The following ATP13A4 variants were observed in gnomAD, a reference collection of about 807,000 sequenced individuals.
ATP13A4 encodes probable cation-transporting ATPase 13A4.
In ATP13A4, 114 loss-of-function variants were observed where a neutral mutation model predicts 142.5. The ratio of observed to expected loss-of-function variants is 0.80; its 90% CI spans 0.69 to 0.93. The LOEUF (loss-of-function observed/expected upper bound fraction) is 0.93, where lower values mean the gene tolerates loss of function less well. Among genes scored for constraint, ATP13A4 ranks in the 40% least tolerant of loss-of-function variants. ATP13A4 has a pLI of 0.00. For synonymous variants in ATP13A4, 488 were observed against 514.8 expected (o/e 0.95, Z 0.70); for missense variants, 1,392 against 1,454.0 (o/e 0.96, Z 0.69).
chr3:193,551,987 AT>A (rs1723601791), intron 1 of ATP13A4, among the ~76,000 whole-genome samples: 1 of 151,808 alleles, frequency 6.6e-6, no homozygotes, highest in South Asian at 2.1e-4. Flanking sequence ...CTATTTACTT[AT>A]TTTTGAGACA....
intron 25 of ATP13A4, among the ~76,000 whole-genome samples, chr3:193,423,837 C>T (rs550628618): frequency 4.5e-5 from 3 of 66,536 alleles, no homozygotes; most frequent in South Asian, 9.7e-4. Flanking sequence ...AGCAACTAGG[C>T]AAGAGAAAAA....
intron 26 of ATP13A4, 114 bp from the exon 27 acceptor site, chr3:193,412,485 A>C (rs1714820019): frequency 1.2e-6 from 1 of 849,722 alleles, no homozygotes; most frequent in Non-Finnish European, 2.0e-6. Context: ...CAATGCTTCT[A>C]CAATTGCCTG....
At chr3:193,537,800 A>C (rs931640062) in intron 1 of ATP13A4, among the ~76,000 whole-genome samples, 1 of 152,168 alleles carries the variant, frequency 6.6e-6, no homozygotes, top group Non-Finnish European at 1.5e-5. Context: ...TACACAAAAC[A>C]ACCTGGGTCA....
intron 28 of ATP13A4, among the ~76,000 whole-genome samples, chr3:193,410,314 A>C (rs1364101227): frequency 6.6e-6 from 1 of 152,212 alleles, no homozygotes; most frequent in African/African-American, 2.4e-5. Context: ...GCTATAGGCA[A>C]AACAGTTTTA....
intron 10 of ATP13A4, 43 bp from the exon 11 acceptor site, chr3:193,466,225 G>A (rs748140390): frequency 1.2e-5 from 19 of 1,609,584 alleles, no homozygotes; most frequent in Non-Finnish European, 1.5e-5. Context: ...GGAGACCAAC[G>A]CTACTGCTAG....
intron 24 of ATP13A4, among the ~76,000 whole-genome samples, chr3:193,434,576 C>G (rs1328463319): frequency 6.6e-6 from 1 of 152,158 alleles, no homozygotes; most frequent in Non-Finnish European, 1.5e-5. Context: ...GCCTATCCTT[C>G]TCTAGCCCAT....
At chr3:193,587,628 T>C (rs1724694078) in intron 1 of ATP13A4, among the ~76,000 whole-genome samples, 1 of 152,226 alleles carries the variant, frequency 6.6e-6, no homozygotes, top group Admixed American at 6.5e-5. Flanking sequence ...ATTGGGTTTG[T>C]ACTCTGAGGC....
At chr3:193,561,520 G>T (rs1284403590) in intron 2 of ATP13A4, among the ~76,000 whole-genome samples, 1 of 152,232 alleles carries the variant, frequency 6.6e-6, no homozygotes, top group African/African-American at 2.4e-5. Flanking sequence ...TGAAATTAAT[G>T]ACAAAAGAAA....
chr3:193,516,514 C>T (rs1721422429), intron 1 of ATP13A4, among the ~76,000 whole-genome samples: 1 of 152,218 alleles, frequency 6.6e-6, no homozygotes. Flanking sequence ...AACACACTGG[C>T]AGCAATGCTC....
intron 2 of ATP13A4, among the ~76,000 whole-genome samples, chr3:193,503,963 C>T (rs1022785386): frequency 2.0e-5 from 3 of 149,218 alleles, no homozygotes; most frequent in African/African-American, 7.4e-5. Flanking sequence ...CATGTCTGCA[C>T]TTCAGCCAGG....
At chr3:193,534,946 TA>T (rs1408128122) in intron 1 of ATP13A4, among the ~76,000 whole-genome samples, 2 of 145,936 alleles carry the variant, frequency 1.4e-5, no homozygotes, top group South Asian at 2.1e-4. Context: ...CTGTAAAAAA[TA>T]AAGACAAAAA....
chr3:193,516,601 G>A (rs1721428828), intron 1 of ATP13A4, among the ~76,000 whole-genome samples: 1 of 152,124 alleles, frequency 6.6e-6, no homozygotes, highest in African/African-American at 2.4e-5. Flanking sequence ...TCTTTCCCAT[G>A]TGCTTTTTCT....
intron 8 of ATP13A4, among the ~76,000 whole-genome samples, chr3:193,472,903 T>C (rs184724937): frequency 6.6e-6 from 1 of 152,352 alleles, no homozygotes; most frequent in African/African-American, 2.4e-5. Context: ...AACCCTGTGA[T>C]AGTAGATTCC....
At chr3:193,448,944 G>A (rs1407002168) in intron 17 of ATP13A4, among the ~76,000 whole-genome samples, 3 of 152,132 alleles carry the variant, frequency 2.0e-5, no homozygotes, top group Non-Finnish European at 4.4e-5. Context: ...TACCCACAAA[G>A]GGGAGTTTTA....
At chr3:193,520,306 T>C (rs574546755) in intron 1 of ATP13A4, among the ~76,000 whole-genome samples, 1 of 152,228 alleles carries the variant, frequency 6.6e-6, no homozygotes, top group African/African-American at 2.4e-5. Flanking sequence ...AAAAATAAAA[T>C]CAGTCCACTG....
chr3:193,567,063 G>T (rs909764361), intron 2 of ATP13A4, among the ~76,000 whole-genome samples: 1 of 122,066 alleles, frequency 8.2e-6, no homozygotes, highest in African/African-American at 3.1e-5. Flanking sequence ...TTCAAATTGG[G>T]TACAAAAATT....
intron 17 of ATP13A4, among the ~76,000 whole-genome samples, chr3:193,452,841 CT>C (rs1717363852): frequency 6.7e-6 from 1 of 150,104 alleles, no homozygotes. Context: ...TAAAATTTTC[CT>C]AGTTTATATG....
chr3:193,454,040 T>G, intron 17 of ATP13A4, 61 bp downstream of exon 17: 2 of 1,440,272 alleles, frequency 1.4e-6, no homozygotes, highest in Admixed American at 3.4e-5. Flanking sequence ...GCACTTGACA[T>G]TCCAACCTGG....
Position 193,417,812 on chromosome 3 carries a change from C to T in ATP13A4, c.2843-3062G>A, listed in dbSNP as rs564637431. Reference sequence around the variant, plus strand: ...CATCCTGGCTAACAGAGTGAAACCCCGTCTCTACTAAAAATACAAAAAATT... The same window carrying T: ...CATCCTGGCTAACAGAGTGAAACCCTGTCTCTACTAAAAATACAAAAAATT... On this transcript the variant is annotated intron_variant, in intron 25 of 29. Transcript: ENST00000342695. Among the ~76,000 whole-genome samples the T allele has an allele frequency of 3.2e-4, 47 of 147,960 alleles. 3 individuals carry two copies. In the Middle Eastern group the frequency reaches 0.014, roughly 43 times the overall value.
Sources: allele counts gnomAD v4.1 joint callset (sites outside exome capture counted in the v4.1 genomes callset), GRCh38; gene constraint gnomAD v4.1.1; transcripts MANE v1.5; gene names NCBI Gene and HGNC (gene_info 2026-07-23, HGNC 2026-07-21).